Variants in ST6GAL2 observed in about 807,000 individuals in gnomAD.
ST6GAL2 encodes beta-galactoside alpha-2,6-sialyltransferase 2.
A neutral mutation model predicts 37.5 loss-of-function variants in ST6GAL2; 24 were observed. The observed-to-expected ratio is 0.64, with a 90% CI of 0.46 to 0.90. The LOEUF (loss-of-function observed/expected upper bound fraction) is 0.90. Ranked by LOEUF, ST6GAL2 falls within the 40% of genes least tolerant of loss-of-function variation. The pLI is 0.00. For synonymous variants in ST6GAL2, 306 were observed against 295.1 expected, an observed-to-expected ratio of 1.04 and a Z score of -0.38; for missense variants, 715 against 712.7, an observed-to-expected ratio of 1.00 and a Z score of -0.04.
At chr2:106,859,410 A>G (rs890247121) in intron 1 of ST6GAL2, among the ~76,000 whole-genome samples, 2 of 152,204 alleles carry the variant, frequency 1.3e-5, no homozygotes, top group African/African-American at 2.4e-5. Flanking sequence ...TGGACTGCAG[A>G]TCCACATAAT....
At chr2:106,836,760 T>G (rs1190659790) in intron 2 of ST6GAL2, among the ~76,000 whole-genome samples, 2 of 112,202 alleles carry the variant, frequency 1.8e-5, no homozygotes, top group Non-Finnish European at 3.4e-5. Flanking sequence ...AAACCCCGTC[T>G]CTACTAAAAA....
chr2:106,807,086 A>G, intron 5 of ST6GAL2, 137 bp from the exon 6 acceptor site: 2 of 701,888 alleles, frequency 2.8e-6, no homozygotes, highest in Admixed American at 2.8e-5. Context: ...TGCATTTGCA[A>G]TGTTATAACT....
chr2:106,884,003 C>G lies in ST6GAL2; in HGVS notation c.-58+2090G>C, dbSNP rs575022612. Among the ~76,000 whole-genome samples the G allele has an allele frequency of 2.0e-4, 31 of 152,250 alleles. No individual in the cohort carries two copies. The South Asian group carries it at 6.4e-3, about 32-fold the overall frequency. ...GTTTGTCTTTCAGAAAAGATTTAAT[C>G]ATTTGAGAAATGCTTGGATAAATTC... On this transcript the variant is annotated intron_variant, in intron 1 of 5. Coordinates refer to ENST00000409382, the MANE Select transcript of ST6GAL2 (RefSeq NM_001142351.2).
chr2:106,848,049 T>C (rs1184145832), intron 1 of ST6GAL2, among the ~76,000 whole-genome samples: 2 of 151,466 alleles, frequency 1.3e-5, no homozygotes, highest in South Asian at 2.1e-4. Flanking sequence ...CTTTCTTTTT[T>C]TTTTTTTTTT....
Position 106,805,624 on chromosome 2 carries a change from T to G in ST6GAL2, c.*1054A>C, listed in dbSNP as rs1452479110. 1 of 152,244 alleles carries G rather than the reference T, an allele frequency of 6.6e-6. No individual in the cohort carries two copies. Among genetic ancestry groups the G allele is most frequent in the East Asian group, 1.9e-4 (1 of 5,202 alleles). 9.4% of individuals were successfully genotyped at this position (152,244 alleles called of 1,614,324 possible). A position where few individuals can be genotyped will look rare whatever the true frequency, so the allele number is the denominator to read the frequency against. On this transcript the variant is annotated 3_prime_UTR_variant, in exon 6 of 6. Coordinates refer to ENST00000409382, the MANE Select transcript of ST6GAL2 (RefSeq NM_001142351.2). ...GTAGGAAGATTTAGTGAAGATTCAGTGCTCATCACTGTGGAGTTCCCACTG... is the reference window on the plus strand; with the variant it reads ...GTAGGAAGATTTAGTGAAGATTCAGGGCTCATCACTGTGGAGTTCCCACTG...
chr2:106,840,449 G>A (rs1676832457), intron 2 of ST6GAL2, among the ~76,000 whole-genome samples: 1 of 152,138 alleles, frequency 6.6e-6, no homozygotes, highest in Non-Finnish European at 1.5e-5. Context: ...TTATACAAAT[G>A]AAACTTTTTG....
At chr2:106,826,762 G>A (rs1375044241) in intron 5 of ST6GAL2, among the ~76,000 whole-genome samples, 1 of 152,178 alleles carries the variant, frequency 6.6e-6, no homozygotes, top group Non-Finnish European at 1.5e-5. Context: ...GAGACTATAA[G>A]GATGAACATA....
At chr2:106,868,893 A>C (rs1172834181) in intron 1 of ST6GAL2, among the ~76,000 whole-genome samples, 1 of 152,224 alleles carries the variant, frequency 6.6e-6, no homozygotes, top group South Asian at 2.1e-4. Context: ...TATGAAATGC[A>C]TCATTGAGGG....
intron 1 of ST6GAL2, among the ~76,000 whole-genome samples, chr2:106,861,908 C>G (rs560943398): frequency 1.7e-4 from 26 of 152,190 alleles, no homozygotes; most frequent in Non-Finnish European, 3.8e-4. Flanking sequence ...ACTGGGATTA[C>G]AGGCATGAGC....
At chr2:106,816,406 T>C (rs1675803795) in intron 5 of ST6GAL2, among the ~76,000 whole-genome samples, 1 of 152,204 alleles carries the variant, frequency 6.6e-6, no homozygotes, top group African/African-American at 2.4e-5. Flanking sequence ...AAAGTTATGG[T>C]TTAAGTGTTT....
intron 2 of ST6GAL2, among the ~76,000 whole-genome samples, chr2:106,838,129 A>G (rs1192679472): frequency 1.3e-5 from 2 of 152,196 alleles, no homozygotes; most frequent in Admixed American, 1.3e-4. Context: ...GTCCATTCAT[A>G]TTTAGAAAAA....
chr2:106,832,480 G>T, intron 4 of ST6GAL2, 85 bp downstream of exon 4: 1 of 738,736 alleles, frequency 1.4e-6, no homozygotes, highest in Non-Finnish European at 2.3e-6. Context: ...GTCTGTCAAA[G>T]CTTAATCCTT....
intron 1 of ST6GAL2, among the ~76,000 whole-genome samples, chr2:106,860,849 T>C (rs1469319853): frequency 1.3e-5 from 2 of 152,150 alleles, no homozygotes; most frequent in Non-Finnish European, 2.9e-5. Flanking sequence ...ATATGGAAAC[T>C]TAGAAGTATG....
At chr2:106,864,434 A>G (rs1677938922) in intron 1 of ST6GAL2, among the ~76,000 whole-genome samples, 1 of 152,230 alleles carries the variant, frequency 6.6e-6, no homozygotes. Flanking sequence ...TACTTGAATG[A>G]AAGACAGAAC....
At chr2:106,870,433 C>G (rs1678216896) in intron 1 of ST6GAL2, among the ~76,000 whole-genome samples, 2 of 152,030 alleles carry the variant, frequency 1.3e-5, no homozygotes, top group African/African-American at 4.8e-5. Context: ...TTATTTATTA[C>G]CAGTTTTCTA....
intron 1 of ST6GAL2, among the ~76,000 whole-genome samples, chr2:106,874,289 G>C (rs1678404530): frequency 6.6e-6 from 1 of 152,094 alleles, no homozygotes; most frequent in Admixed American, 6.6e-5. Context: ...AAGTTAATGG[G>C]AGTTGGTGGA....
intron 5 of ST6GAL2, 30 bp from the exon 6 acceptor site, chr2:106,806,979 A>G: frequency 1.3e-6 from 2 of 1,582,262 alleles, no homozygotes; most frequent in Non-Finnish European, 1.7e-6. Flanking sequence ...TTAGAACCTA[A>G]TGAACAACTC....
intron 5 of ST6GAL2, among the ~76,000 whole-genome samples, chr2:106,818,342 C>G (rs373610175): frequency 4.6e-5 from 7 of 152,166 alleles, no homozygotes; most frequent in South Asian, 2.1e-4. Flanking sequence ...TTTTGTCCCC[C>G]CTTCCCCACT....
intron 5 of ST6GAL2, chr2:106,813,017 C>A: frequency 4.1e-6 from 5 of 1,223,298 alleles, no homozygotes; most frequent in Non-Finnish European, 5.1e-6. Context: ...AAGATTTAGA[C>A]ACGTTTTAAT....
Sources: allele counts gnomAD v4.1 joint callset (sites outside exome capture counted in the v4.1 genomes callset), GRCh38; gene constraint gnomAD v4.1.1; transcripts MANE v1.5; gene names NCBI Gene and HGNC (gene_info 2026-07-23, HGNC 2026-07-21).